Variants in ZFTRAF1 observed in about 807,000 individuals in gnomAD.
ZFTRAF1 encodes the protein zinc finger TRAF-type and ring finger containing 1.
chr8:144,453,610 T>C, the ZFTRAF1 span: 6 of 675,904 alleles, frequency 8.9e-6, no homozygotes, highest in South Asian at 9.5e-5. Flanking sequence ...CGTGCTGGAG[T>C]GTGGTGAACA....
At chr8:144,460,487 A>C in the ZFTRAF1 span, among the ~76,000 whole-genome samples, 1 of 152,254 alleles carries the variant, frequency 6.6e-6, no homozygotes. Flanking sequence ...AGGTCCAGCT[A>C]CAGCTCCAGC....
At chr8:144,452,480 C>T in the ZFTRAF1 span, 137 of 1,547,594 alleles carry the variant, frequency 8.9e-5, no homozygotes, top group African/African-American at 1.1e-3. Flanking sequence ...CTGTCTTGGT[C>T]GGGTGGGCGC....
At chr8:144,462,374 G>T in the ZFTRAF1 span, 1 of 469,798 alleles carries the variant, frequency 2.1e-6, no homozygotes. Flanking sequence ...GCCGGCCGCC[G>T]CCGCCGCCGC....
chr8:144,457,368 C>T, the ZFTRAF1 span: 4 of 152,292 alleles, frequency 2.6e-5, no homozygotes, highest in African/African-American at 9.6e-5. Context: ...ATAGGACCAG[C>T]TTCATTCTGT....
chr8:144,459,971 A>G, the ZFTRAF1 span, among the ~76,000 whole-genome samples: 1 of 152,228 alleles, frequency 6.6e-6, no homozygotes, highest in African/African-American at 2.4e-5. Context: ...AGCTGGGGTG[A>G]TGGCCAGCAT....
chr8:144,450,282 G>A, the ZFTRAF1 span: 2 of 641,598 alleles, frequency 3.1e-6, no homozygotes, highest in South Asian at 3.4e-5. Flanking sequence ...TTGCTAAAGT[G>A]ATCAGATAGT....
At chr8:144,450,556 G>C in the ZFTRAF1 span, 28 of 718,198 alleles carry the variant, frequency 3.9e-5, no homozygotes, top group South Asian at 4.0e-4. Context: ...AGGGGCCCTT[G>C]AGCAGCAGGA....
the ZFTRAF1 span, among the ~76,000 whole-genome samples, chr8:144,460,386 G>A: frequency 5.8e-3 from 876 of 152,328 alleles, 10 homozygotes; most frequent in African/African-American, 0.02. Context: ...CAGGAGCTCC[G>A]GTCAGAAGCA....
the ZFTRAF1 span, chr8:144,462,307 G>A: frequency 1.7e-6 from 1 of 600,220 alleles, no homozygotes; most frequent in South Asian, 1.7e-5. Context: ...CCTTGGGCAG[G>A]TCCAGGCACA....
chr8:144,459,413 A>G, the ZFTRAF1 span, among the ~76,000 whole-genome samples: 1 of 152,222 alleles, frequency 6.6e-6, no homozygotes, highest in Non-Finnish European at 1.5e-5. Context: ...ATAAAAGCTG[A>G]GTCTTGCTGT....
chr8:144,459,135 C>T, the ZFTRAF1 span, among the ~76,000 whole-genome samples: 4 of 152,228 alleles, frequency 2.6e-5, no homozygotes, highest in Admixed American at 2.0e-4. Flanking sequence ...GCGGCTGCAA[C>T]GTCCCGGGCA....
At chr8:144,451,364 C>A in the ZFTRAF1 span, 1 of 154,346 alleles carries the variant, frequency 6.5e-6, no homozygotes, top group East Asian at 1.9e-4. Context: ...GTCTTTCCTG[C>A]GCGAATGGGG....
chr8:144,462,151 G>C, the ZFTRAF1 span: 5 of 356,922 alleles, frequency 1.4e-5, no homozygotes, highest in Non-Finnish European at 2.5e-5. Flanking sequence ...GGAAGTGGCT[G>C]TAAGGGCCAG....
the ZFTRAF1 span, chr8:144,450,496 G>A: frequency 7.0e-6 from 5 of 718,278 alleles, no homozygotes; most frequent in East Asian, 1.1e-4. Context: ...CGTTGCTCTC[G>A]TTGGTGAAGA....
the ZFTRAF1 span, chr8:144,451,384 T>TGGCCAC: frequency 1.9e-5 from 3 of 153,866 alleles, no homozygotes; most frequent in Non-Finnish European, 2.9e-5. Flanking sequence ...GCTTCTCACC[T>TGGCCAC]GGCCACGGCC....
chr8:144,462,673 C>A, the ZFTRAF1 span: 1 of 144,060 alleles, frequency 6.9e-6, no homozygotes, highest in Admixed American at 6.9e-5. Flanking sequence ...GCCGGCCCGG[C>A]GGGCGGATGC....
chr8:144,452,793 T>C, the ZFTRAF1 span, among the ~76,000 whole-genome samples: 7 of 152,224 alleles, frequency 4.6e-5, no homozygotes, highest in African/African-American at 1.7e-4. Context: ...AGCTTGAGCC[T>C]GTGTGCCCCG....
chr8:144,451,971 G>A, the ZFTRAF1 span: 1 of 308,940 alleles, frequency 3.2e-6, no homozygotes, highest in Non-Finnish European at 6.4e-6. Flanking sequence ...TCTTGCCCCA[G>A]GGTCCGAGGG....
the ZFTRAF1 span, chr8:144,452,571 C>T: frequency 6.5e-7 from 1 of 1,535,954 alleles, no homozygotes; most frequent in Admixed American, 2.0e-5. Flanking sequence ...CTGGGTTACC[C>T]TGGGGGAGGC....
Sources: gnomAD v4.1 joint callset for allele counts (sites outside exome capture counted in the v4.1 genomes callset) on GRCh38, gnomAD v4.1.1 for gene constraint, MANE v1.5 for transcripts, NCBI Gene and HGNC (gene_info 2026-07-23, HGNC 2026-07-21) for gene names.